Variants in RPL5 observed in about 807,000 individuals in gnomAD.
The protein encoded by RPL5 is large ribosomal subunit protein uL18.
A neutral mutation model predicts 38.4 loss-of-function variants in RPL5; 1 was observed. The ratio of observed to expected loss-of-function variants is 0.03; its 90% confidence interval spans 0.01 to 0.12. The LOEUF is 0.12. Ranked by LOEUF, RPL5 falls within the 10% of genes least tolerant of loss-of-function variation. The pLI, the probability that RPL5 is intolerant of heterozygous loss-of-function variation, is 1.00. For missense variants in RPL5, 243 were observed against 374.1 expected, an observed-to-expected ratio of 0.65 and a Z score of 2.89; for synonymous variants, 109 against 121.2, an observed-to-expected ratio of 0.90 and a Z score of 0.66.
rs775010708 is a variant in RPL5 at position 92,837,579 on chromosome 1, T to C, written c.651T>C (p.Asp217=). 19 of 1,611,968 alleles carry C rather than the reference T, an allele frequency of 1.2e-5. No homozygotes were observed. Among genetic ancestry groups the C allele is most frequent in the South Asian group, 5.5e-5 (5 of 90,990 alleles). ...YMRYLMEEDE[D]AYKKQFSQYI... The stretch of plus-strand genomic sequence containing the variant: ...GCTACTTAATGGAAGAAGATGAAGA[T>C]GCTTACAAGAAACAGTTCTCTCAAT... Residue 217 remains aspartate, a synonymous_variant, in exon 6 of 8, where the codon GAT becomes GAC. Transcript: ENST00000370321.
intron 5 of RPL5, 54 bp from the exon 6 acceptor site, chr1:92,837,402 C>A: frequency 6.8e-7 from 1 of 1,469,838 alleles, no homozygotes. Flanking sequence ...TAAATTCTTA[C>A]TAGTAAACTA....
chr1:92,832,038 G>GC, upstream of RPL5: 1 of 1,603,600 alleles, frequency 6.2e-7, no homozygotes, highest in Non-Finnish European at 8.5e-7. Flanking sequence ...AAGGGCTGTG[G>GC]CCCTTTTCCC....
At chr1:92,837,710 A>G (rs1030577822) in intron 6 of RPL5, 77 bp downstream of exon 6, 10 of 1,178,088 alleles carry the variant, frequency 8.5e-6, no homozygotes, top group Non-Finnish European at 1.1e-5. Context: ...GGGGCAGGTA[A>G]CATTCTTATA....
chr1:92,837,698 T>G, intron 6 of RPL5, 65 bp downstream of exon 6: 2 of 1,364,720 alleles, frequency 1.5e-6, no homozygotes, highest in Non-Finnish European at 2.1e-6. Flanking sequence ...TTACTTGTTT[T>G]GGGGGCAGGT....
At chr1:92,841,574 C>T (rs1376359173) in intron 7 of RPL5, among the ~76,000 whole-genome samples, 192 bp from the exon 8 acceptor site, 1 of 152,100 alleles carries the variant, frequency 6.6e-6, no homozygotes, top group African/African-American at 2.4e-5. Flanking sequence ...TAGGACATCA[C>T]AGAAGTTGGG....
Position 92,832,086 on chromosome 1 carries a change from G to A in RPL5, c.-29G>A, listed in dbSNP as rs1231216789. 6.2e-7 allele frequency: 1 copy of A among 1,613,816 alleles called. No homozygotes were observed. The highest frequency in any genetic ancestry group is 8.5e-7 in the Non-Finnish European group (1 of 1,179,948). ...CGCTGGGCCTGCAGGTCTCTGTCGA[G>A]CAGCGGACGCCGGTCTCTGTTCCGC... On this transcript the variant is annotated 5_prime_UTR_variant, in exon 1 of 8. Coordinates refer to ENST00000370321, the MANE Select transcript of RPL5 (RefSeq NM_000969.5).
chr1:92,837,232 T>C, intron 5 of RPL5: 1 of 722,150 alleles, frequency 1.4e-6, no homozygotes, highest in Non-Finnish European at 2.6e-6. Context: ...TGGTAATGGC[T>C]TTTAAAGGTT....
rs1233830042 is a variant in RPL5 at position 92,836,778 on chromosome 1, A to C, written c.527+386A>C. The C allele has an allele frequency of 6.3e-5, 14 of 222,942 alleles. No homozygotes were observed. In the East Asian group the frequency reaches 1.6e-3, roughly 25 times the overall value. 13.8% of individuals were successfully genotyped at this position (222,942 alleles called of 1,614,324 possible). A position where few individuals can be genotyped will look rare whatever the true frequency, so the allele number is the denominator to read the frequency against. On this transcript the variant is annotated intron_variant, in intron 5 of 7. Coordinates refer to ENST00000370321, the MANE Select transcript of RPL5 (RefSeq NM_000969.5). ...AAAAAGGTGGATCCTAGAATTTTATAAGAAGTTTGAGGAAAAGGCTTATGA... is the reference window on the plus strand; with the variant it reads ...AAAAAGGTGGATCCTAGAATTTTATCAGAAGTTTGAGGAAAAGGCTTATGA...
upstream of RPL5, chr1:92,832,002 G>T: frequency 6.5e-7 from 1 of 1,528,120 alleles, no homozygotes; most frequent in South Asian, 1.2e-5. Context: ...TGGCGTGACC[G>T]TCCGCGCTAC....
Position 92,840,356 on chromosome 1 carries a change from C to G in RPL5, c.706-195C>G, listed in dbSNP as rs1461993470. On this transcript the variant is annotated intron_variant, in intron 6 of 7. Transcript: ENST00000370321. Reference sequence around the variant, plus strand: ...GATGGAGTTCTGTAGTGATAATTCACATTGCATAAGGTGAAAATTGGGAAT... The same window carrying G: ...GATGGAGTTCTGTAGTGATAATTCAGATTGCATAAGGTGAAAATTGGGAAT... 7.3e-6 allele frequency: 4 copies of G among 551,026 alleles called. No individual in the cohort carries two copies. In the African/African-American group the frequency reaches 7.6e-5, roughly 10 times the overall value. 34.1% of individuals were successfully genotyped at this position (551,026 alleles called of 1,614,324 possible). A position where few individuals can be genotyped will look rare whatever the true frequency, so the allele number is the denominator to read the frequency against.
chr1:92,836,254 A>G lies in RPL5; in HGVS notation c.389A>G (p.Tyr130Cys). The G allele has an allele frequency of 6.2e-7, 1 of 1,613,848 alleles. No homozygotes were observed. The highest frequency in any genetic ancestry group is 8.5e-7 in the Non-Finnish European group (1 of 1,179,988). ...EGQVEVTGDE[Y>C]NVESIDGQPG... ...CAAGTGGAGGTGACTGGTGATGAAT[A>G]CAATGTGGAAAGCATTGATGGTCAG... Residue 130 changes from tyrosine to cysteine, a missense_variant, in exon 5 of 8, where the codon TAC (tyrosine) becomes TGC (cysteine). By Grantham distance (194) the Tyr-to-Cys change is radical. Coordinates refer to ENST00000370321, the MANE Select transcript of RPL5 (RefSeq NM_000969.5).
intron 4 of RPL5, among the ~76,000 whole-genome samples, chr1:92,835,683 G>T (rs1291649688): frequency 6.9e-6 from 1 of 144,156 alleles, no homozygotes; most frequent in African/African-American, 2.6e-5. Flanking sequence ...AAAAAAATGA[G>T]AATCTTAGTG....
At position 92,840,028 on chromosome 1, in the gene RPL5, A is replaced by T. The variant is rs999179452; in HGVS notation, c.706-523A>T. Among the ~76,000 whole-genome samples the T allele has an allele frequency of 4.7e-3, 661 of 141,118 alleles. 1 individual carries two copies. The highest frequency in any genetic ancestry group is 0.012 in the South Asian group (52 of 4,450). The allele number at this position is 141,118 out of a possible 152,430, so 92.6% of individuals were successfully genotyped here. ...TGCTAATTTTTTTTTTTTTTTTTTA[A>T]TTTTTGGTAGAGATGAGGTCTCATT... On this transcript the variant is annotated intron_variant, in intron 6 of 7. Transcript: ENST00000370321.
chr1:92,841,427 A>T (rs2100699212), intron 7 of RPL5, among the ~76,000 whole-genome samples: 1 of 152,288 alleles, frequency 6.6e-6, no homozygotes, highest in East Asian at 1.9e-4. Flanking sequence ...ATCTGTTGCT[A>T]TTAATATATA....
intron 1 of RPL5, chr1:92,832,885 A>G (rs916755366): frequency 4.7e-6 from 3 of 644,128 alleles, no homozygotes; most frequent in African/African-American, 3.7e-5. Flanking sequence ...AAAACATAAC[A>G]TGGGAAGCGA....
chr1:92,836,136 T>C lies in RPL5; in HGVS notation c.325-54T>C, dbSNP rs149953913. ...ACGGTTATGACATAAGCTATTTTAA[T>C]TTTAGAGCAGTTTGAATAATTGAAA... On this transcript the variant is annotated intron_variant, in intron 4 of 7. Transcript: ENST00000370321. 5,167 of 1,524,064 alleles carry C rather than the reference T, an allele frequency of 3.4e-3. 35 individuals carry two copies. The highest frequency in any genetic ancestry group is 0.017 in the Middle Eastern group (73 of 4,258). 94.4% of individuals were successfully genotyped at this position (1,524,064 alleles called of 1,614,324 possible). A position where few individuals can be genotyped will look rare whatever the true frequency, so the allele number is the denominator to read the frequency against.
At chr1:92,833,521 T>G in intron 2 of RPL5, 24 bp from the exon 3 acceptor site, 1 of 1,612,242 alleles carries the variant, frequency 6.2e-7, no homozygotes, top group Non-Finnish European at 8.5e-7. Flanking sequence ...GAGTATCCTT[T>G]CTACAATTAT....
At position 92,833,547 on chromosome 1, in the gene RPL5, G is replaced by A. The variant is rs1351630493; in HGVS notation, c.76G>A (p.Gly26Ser). The change falls in exon 3 of 8, where the codon GGT becomes AGT. Residue 26 changes from glycine (G) to serine (S), a missense_variant and splice_region_variant. Gly to Ser is a moderately conservative substitution (Grantham distance 56). Coordinates refer to ENST00000370321, the MANE Select transcript of RPL5 (RefSeq NM_000969.5). The stretch of plus-strand genomic sequence containing the variant: ...CTACAATTATTTTTTTCTTTCAGAG[G>A]GTAAAACTGATTATTATGCTCGGAA... ...YQVKFRRRRE[G>S]KTDYYARKRL... 1 of 1,613,320 alleles carries A rather than the reference G, an allele frequency of 6.2e-7. No individual in the cohort carries two copies. The highest frequency in any genetic ancestry group is 8.5e-7 in the Non-Finnish European group (1 of 1,179,700).
intron 4 of RPL5, 94 bp downstream of exon 4, chr1:92,835,007 T>C: frequency 6.4e-7 from 1 of 1,564,822 alleles, no homozygotes; most frequent in Non-Finnish European, 8.7e-7. Flanking sequence ...ATAGCTTAAG[T>C]TGTGCTTCAG....
Sources: gnomAD v4.1 joint callset for allele counts (sites outside exome capture counted in the v4.1 genomes callset) on GRCh38, gnomAD v4.1.1 for gene constraint, MANE v1.5 for transcripts, NCBI Gene and HGNC (gene_info 2026-07-23, HGNC 2026-07-21) for gene names.